NALF1: variants seen among roughly 807,000 people sequenced by gnomAD.
NALF1 encodes family with sequence similarity 155 member A.
A neutral mutation model predicts 48.4 loss-of-function variants in NALF1; 3 were observed. That is an observed-to-expected ratio of 0.06 (90% CI 0.03 to 0.16). NALF1 has a LOEUF of 0.16. Ranked by LOEUF, NALF1 falls within the 10% of genes least tolerant of loss-of-function variation. The pLI is 1.00. For synonymous variants in NALF1, 262 were observed against 245.7 expected (o/e 1.07, Z -0.62); for missense variants, 526 against 571.5 (o/e 0.92, Z 0.81).
chr13:107,622,624 AC>A (rs1879556500), intron 1 of NALF1, among the ~76,000 whole-genome samples: 1 of 152,138 alleles, frequency 6.6e-6, no homozygotes, highest in Non-Finnish European at 1.5e-5. Context: ...TGTTGATTTC[AC>A]CCCAGGGGCT....
intron 1 of NALF1, among the ~76,000 whole-genome samples, chr13:107,765,784 T>C (rs1048152210): frequency 6.6e-6 from 1 of 152,142 alleles, no homozygotes; most frequent in Non-Finnish European, 1.5e-5. Context: ...ACTAAGTAAA[T>C]AAATATTTAA....
chr13:107,224,046 T>C (rs1357287942), intron 1 of NALF1, among the ~76,000 whole-genome samples: 1 of 152,196 alleles, frequency 6.6e-6, no homozygotes, highest in African/African-American at 2.4e-5. Flanking sequence ...GATTATCAGT[T>C]GATTATTGAT....
chr13:107,265,713 T>A (rs530863053), intron 1 of NALF1, among the ~76,000 whole-genome samples: 1 of 152,144 alleles, frequency 6.6e-6, no homozygotes, highest in African/African-American at 2.4e-5. Flanking sequence ...GCCTACTTTT[T>A]TTTTTGTTTT....
At chr13:107,456,491 A>C (rs2274042) in intron 1 of NALF1, among the ~76,000 whole-genome samples, 34,063 of 152,144 alleles carry the variant, frequency 0.22, 4,790 homozygotes, top group African/African-American at 0.4. Context: ...CCCATGTTAG[A>C]TTAATGAAAT....
chr13:107,394,697 C>T (rs893480927), intron 1 of NALF1, among the ~76,000 whole-genome samples: 1 of 152,066 alleles, frequency 6.6e-6, no homozygotes, highest in African/African-American at 2.4e-5. Flanking sequence ...TTTTCTCATA[C>T]AAATGCCTAC....
rs1383975542 is a variant in NALF1 at position 107,165,700 on chromosome 13, T to C, written c.*4797A>G. 2 of 152,174 alleles carry C rather than the reference T, an allele frequency of 1.3e-5. No homozygotes were observed. Among genetic ancestry groups the C allele is most frequent in the African/African-American group, 4.8e-5 (2 of 41,428 alleles). 9.4% of individuals were successfully genotyped at this position (152,174 alleles called of 1,614,324 possible). On this transcript the variant is annotated 3_prime_UTR_variant, in exon 3 of 3. Transcript: ENST00000375915. ...GAAGACATTGCTTGAAAACTATACTTAGTTATTTTCCTTCCCCCCCACTGA... is the reference window on the plus strand; with the variant it reads ...GAAGACATTGCTTGAAAACTATACTCAGTTATTTTCCTTCCCCCCCACTGA...
intron 1 of NALF1, among the ~76,000 whole-genome samples, chr13:107,829,805 G>A (rs1879655258): frequency 6.6e-6 from 1 of 152,126 alleles, no homozygotes; most frequent in South Asian, 2.1e-4. Flanking sequence ...ATTCACAGCA[G>A]TCTATAAGTT....
intron 1 of NALF1, among the ~76,000 whole-genome samples, chr13:107,340,207 C>G (rs773414223): frequency 1.3e-5 from 2 of 148,558 alleles, no homozygotes; most frequent in Non-Finnish European, 3.0e-5. Context: ...GTGGTGCAAT[C>G]TCGGCTCACT....
chr13:107,390,906 A>G (rs953806287), intron 1 of NALF1, among the ~76,000 whole-genome samples: 23 of 149,428 alleles, frequency 1.5e-4, no homozygotes, highest in Admixed American at 1.4e-3. Flanking sequence ...TAATAATAAT[A>G]ATAGAGGCTG....
intron 1 of NALF1, among the ~76,000 whole-genome samples, chr13:107,247,068 G>A (rs1364748657): frequency 6.6e-6 from 1 of 151,982 alleles, no homozygotes; most frequent in African/African-American, 2.4e-5. Context: ...TACTAGCCAG[G>A]GAAAAAATTC....
chr13:107,763,806 C>A (rs1373023038), intron 1 of NALF1, among the ~76,000 whole-genome samples: 1 of 152,116 alleles, frequency 6.6e-6, no homozygotes, highest in Non-Finnish European at 1.5e-5. Flanking sequence ...GACAGGACTA[C>A]CAGGTATACA....
intron 1 of NALF1, among the ~76,000 whole-genome samples, chr13:107,285,773 A>T (rs918620335): frequency 6.6e-6 from 1 of 152,102 alleles, no homozygotes; most frequent in Non-Finnish European, 1.5e-5. Context: ...CATGAAAAAG[A>T]ATAAGCAAAG....
Position 107,513,428 on chromosome 13 carries a change from T to C in NALF1, c.916-302673A>G, listed in dbSNP as rs185544043. ...TTCCAAGTACTCAGCAAGTCTTCCA[T>C]ATTTCCTTGCCTCAGAGGAGGTTTG... is the stretch of plus-strand genomic sequence containing the variant. On this transcript the variant is annotated intron_variant, in intron 1 of 2. Transcript: ENST00000375915. Among the ~76,000 whole-genome samples the C allele has an allele frequency of 1.3e-3, 194 of 152,296 alleles. 2 individuals are homozygous for C. The highest frequency in any genetic ancestry group is 6.8e-3 in the Middle Eastern group (2 of 294).
At chr13:107,858,685 T>C (rs911315319) in intron 1 of NALF1, among the ~76,000 whole-genome samples, 3 of 152,224 alleles carry the variant, frequency 2.0e-5, no homozygotes, top group Non-Finnish European at 4.4e-5. Flanking sequence ...AGACACTGTC[T>C]CAAAATAGAT....
intron 1 of NALF1, among the ~76,000 whole-genome samples, chr13:107,400,850 A>C (rs1883792563): frequency 6.6e-6 from 1 of 152,160 alleles, no homozygotes; most frequent in African/African-American, 2.4e-5. Flanking sequence ...ACAAACCTTC[A>C]TATATCACTG....
At chr13:107,185,190 C>G (rs932184443) in intron 2 of NALF1, among the ~76,000 whole-genome samples, 1 of 152,162 alleles carries the variant, frequency 6.6e-6, no homozygotes. Flanking sequence ...TCAGGGGAAC[C>G]TATCCTGCTG....
intron 1 of NALF1, among the ~76,000 whole-genome samples, chr13:107,673,731 T>C (rs560654733): frequency 1.3e-5 from 2 of 152,258 alleles, no homozygotes; most frequent in South Asian, 2.1e-4. Context: ...GAGATGTTAA[T>C]TGCTCTGATG....
chr13:107,718,328 T>C (rs1347078926), intron 1 of NALF1, among the ~76,000 whole-genome samples: 2 of 152,178 alleles, frequency 1.3e-5, no homozygotes, highest in Admixed American at 1.3e-4. Context: ...AGAATCCTCG[T>C]CATACCATCA....
At chr13:107,586,635 A>AGTTTTTTTTTTTTTTTTTTTTTTTT (rs1878464565) in intron 1 of NALF1, among the ~76,000 whole-genome samples, 1 of 93,122 alleles carries the variant, frequency 1.1e-5, no homozygotes, top group Non-Finnish European at 2.0e-5. Context: ...CCCTATGGAG[A>AGTTTTTTTTTTTTTTTTTTTTTTTT]TTTTTTTTTT....
Sources: allele counts gnomAD v4.1 joint callset (sites outside exome capture counted in the v4.1 genomes callset), GRCh38; gene constraint gnomAD v4.1.1; transcripts MANE v1.5; gene names NCBI Gene and HGNC (gene_info 2026-07-23, HGNC 2026-07-21).